The following PEX5 variants were observed in gnomAD, a reference collection of about 807,000 sequenced individuals.
The protein encoded by PEX5 is PTS1 receptor.
In PEX5, 52 loss-of-function variants were observed where a neutral mutation model predicts 82.9. The ratio of observed to expected loss-of-function variants is 0.63; its 90% CI spans 0.50 to 0.79. PEX5 has a LOEUF of 0.79. PEX5 is among the 30% of genes least tolerant of loss of function. PEX5 has a pLI of 0.00. For synonymous variants in PEX5, 300 were observed against 318.8 expected (o/e 0.94, Z 0.63); for missense variants, 719 against 815.2 (o/e 0.88, Z 1.44).
intron 5 of PEX5, among the ~76,000 whole-genome samples, chr12:7,197,892 G>C (rs1468022345): frequency 6.6e-6 from 1 of 152,164 alleles, no homozygotes; most frequent in African/African-American, 2.4e-5. Context: ...AACTGTCCTT[G>C]TCATGGGCCA....
At chr12:7,204,612 G>A (rs965119133) in intron 10 of PEX5, among the ~76,000 whole-genome samples, 4 of 152,196 alleles carry the variant, frequency 2.6e-5, no homozygotes, top group African/African-American at 4.8e-5. Flanking sequence ...AGGAAGAACT[G>A]AAGGAAATAT....
At chr12:7,208,435 C>T (rs1289002558) in intron 12 of PEX5, 22 bp from the exon 13 acceptor site, 1 of 1,575,052 alleles carries the variant, frequency 6.3e-7, no homozygotes, top group African/African-American at 1.3e-5. Flanking sequence ...GATATCAAGT[C>T]TGCCCATCCC....
Position 7,203,534 on chromosome 12 carries a change from T to C in PEX5, c.949T>C (p.Ser317Pro). The change falls in exon 10 of 16, where the codon TCA becomes CCA. Residue 317 changes from serine (S) to proline (P), a missense_variant. Ser to Pro is a moderately conservative substitution (Grantham distance 74). Coordinates refer to ENST00000675855, the MANE Select transcript of PEX5 (RefSeq NM_001351132.2). The part of the protein sequence containing the change: ...PWLSDYDDLT[S>P]ATYDKGYQFE... ...GCTTTCTGACTATGATGACCTTACG[T>C]CAGCTACCTATGATAAGGTGAGGTA... The C allele has an allele frequency of 6.2e-7, 1 of 1,613,926 alleles. No individual in the cohort carries two copies. The highest frequency in any genetic ancestry group is 1.1e-5 in the South Asian group (1 of 91,032).
chr12:7,207,643 C>G lies in PEX5; in HGVS notation c.967-16C>G. On this transcript the variant is annotated splice_polypyrimidine_tract_variant and intron_variant, in intron 10 of 15. Coordinates refer to ENST00000675855, the MANE Select transcript of PEX5 (RefSeq NM_001351132.2). ...GTGCCACCTCTCAGTCCATCTCTCA[C>G]GTGCTTTTCTTGTAGGGGTACCAGT... 3 of 1,613,712 alleles carry G rather than the reference C, an allele frequency of 1.9e-6. 1 individual carries two copies. The South Asian group carries it at 3.3e-5, about 18-fold the overall frequency.
chr12:7,196,100 CGT>C (rs1942043166), intron 5 of PEX5, among the ~76,000 whole-genome samples: 1 of 121,638 alleles, frequency 8.2e-6, no homozygotes, highest in African/African-American at 2.7e-5. Flanking sequence ...TATGTTATAA[CGT>C]ATTTCTTATT....
At chr12:7,217,204 G>T (rs767348126) in intron 17 of PEX5, among the ~76,000 whole-genome samples, 2 of 152,186 alleles carry the variant, frequency 1.3e-5, no homozygotes, top group Non-Finnish European at 2.9e-5. Context: ...AAAGTTTTTC[G>T]TAAAGGGCAA....
chr12:7,216,871 A>G (rs1027235667), intron 17 of PEX5, among the ~76,000 whole-genome samples: 1 of 152,218 alleles, frequency 6.6e-6, no homozygotes, highest in African/African-American at 2.4e-5. Flanking sequence ...TTTCCATCCA[A>G]CAACTTTTTA....
At chr12:7,201,170 TACAC>T (rs1943903135) in intron 6 of PEX5, among the ~76,000 whole-genome samples, 1 of 49,178 alleles carries the variant, frequency 2.0e-5, no homozygotes, top group South Asian at 7.4e-4. Context: ...TATACACACA[TACAC>T]ATATGTACAC....
At position 7,202,610 on chromosome 12, in the gene PEX5, A is replaced by C. The variant is rs1591759567; in HGVS notation, c.754-2A>C. On this transcript the variant is annotated splice_acceptor_variant, in intron 8 of 15. Transcript: ENST00000675855. LOFTEE classifies it high-confidence loss of function. ...GGTACTGACCATCCTTTTTTGTCGCAGGGTACATCAGATGCCTGGGTTGAC... is the reference window on the plus strand; with the variant it reads ...GGTACTGACCATCCTTTTTTGTCGCCGGGTACATCAGATGCCTGGGTTGAC... The C allele has an allele frequency of 6.2e-6, 10 of 1,613,586 alleles. No homozygotes were observed. Among genetic ancestry groups the C allele is most frequent in the Non-Finnish European group, 8.5e-6 (10 of 1,179,520 alleles).
In PEX5 at chr12:7,210,394, A is replaced by G. The variant is rs1945423860; in HGVS notation, c.*171A>G. 3 of 672,240 alleles carry G rather than the reference A, an allele frequency of 4.5e-6. No individual in the cohort carries two copies. The highest frequency in any genetic ancestry group is 8.1e-6 in the Non-Finnish European group (3 of 371,298). The allele number at this position is 672,240 out of a possible 1,614,324, so 41.6% of individuals were successfully genotyped here. A position where few individuals can be genotyped will look rare whatever the true frequency, so the allele number is the denominator to read the frequency against. ...GGGTAGTCTGTGTTCTAGTTCCTAC[A>G]TAATTGTAGGAAAATGAGCTGTGTC... On this transcript the variant is annotated 3_prime_UTR_variant, in exon 16 of 16. Coordinates refer to ENST00000675855, the MANE Select transcript of PEX5 (RefSeq NM_001351132.2).
chr12:7,190,802 AGCCGAGGCTCAGAT>A, intron 2 of PEX5, 72 bp from the exon 3 acceptor site: 1 of 1,385,744 alleles, frequency 7.2e-7, no homozygotes, highest in Non-Finnish European at 1.0e-6. Flanking sequence ...TAGATGAAGA[AGCCGAGGCTCAGAT>A]GCCTATGGGC....
At chr12:7,190,090 CA>C in intron 1 of PEX5, 1 of 1,491,330 alleles carries the variant, frequency 6.7e-7, no homozygotes, top group Non-Finnish European at 8.8e-7. Context: ...TTTGTGGAGG[CA>C]GCTGCTGGCC....
chr12:7,196,294 T>TTA (rs1233203015), intron 5 of PEX5, among the ~76,000 whole-genome samples: 1 of 52,428 alleles, frequency 1.9e-5, no homozygotes, highest in Non-Finnish European at 4.0e-5. Context: ...TATAATTTAA[T>TTA]TATATGTCAT....
downstream of PEX5, among the ~76,000 whole-genome samples, chr12:7,211,947 GAA>G (rs754874971): frequency 1.2e-3 from 75 of 63,932 alleles, no homozygotes; most frequent in Admixed American, 0.011. Flanking sequence ...ATTAGACTTG[GAA>G]AAAAAATTTT....
rs1945457904 is a variant in PEX5, at chr12:7,210,653, C to A, written c.*430C>A. The A allele has an allele frequency of 6.4e-6, 2 of 313,058 alleles. No homozygotes were observed. Among genetic ancestry groups the A allele is most frequent in the Non-Finnish European group, 1.2e-5 (2 of 160,956 alleles). The allele number at this position is 313,058 out of a possible 1,614,324, so 19.4% of individuals were successfully genotyped here. On this transcript the variant is annotated 3_prime_UTR_variant, in exon 16 of 16. Coordinates refer to ENST00000675855, the MANE Select transcript of PEX5 (RefSeq NM_001351132.2). Reference sequence around the variant, plus strand: ...TGGGCAGTGTAAGTAGGAGGTTCATCTGCTGTGCGCCTCTAATGTCTGTCT... The same window carrying A: ...TGGGCAGTGTAAGTAGGAGGTTCATATGCTGTGCGCCTCTAATGTCTGTCT...
At chr12:7,205,713 A>G (rs1188904014) in intron 10 of PEX5, among the ~76,000 whole-genome samples, 1 of 152,238 alleles carries the variant, frequency 6.6e-6, no homozygotes, top group South Asian at 2.1e-4. Flanking sequence ...CAAATATTCT[A>G]ATTTTGGAAA....
At chr12:7,216,499 T>G (rs902975943) in intron 17 of PEX5, among the ~76,000 whole-genome samples, 18 of 152,248 alleles carry the variant, frequency 1.2e-4, no homozygotes, top group African/African-American at 4.1e-4. Context: ...AACTATTGTA[T>G]GTCCAAAGTT....
At chr12:7,191,400 T>C in intron 4 of PEX5, 42 bp downstream of exon 4, 3 of 1,613,668 alleles carry the variant, frequency 1.9e-6, no homozygotes, top group Non-Finnish European at 2.5e-6. Flanking sequence ...GTTTTCCATG[T>C]AGCCAGGGCC....
At chr12:7,190,692 G>A in intron 2 of PEX5, 168 bp downstream of exon 2, 1 of 1,448,238 alleles carries the variant, frequency 6.9e-7, no homozygotes, top group East Asian at 2.4e-5. Context: ...TGGTATAACT[G>A]CTTTCTCTAT....
Sources: gnomAD v4.1 joint callset for allele counts (sites outside exome capture counted in the v4.1 genomes callset) on GRCh38, gnomAD v4.1.1 for gene constraint, MANE v1.5 for transcripts, NCBI Gene and HGNC (gene_info 2026-07-23, HGNC 2026-07-21) for gene names.